TMCO5A: variants seen among roughly 807,000 people sequenced by gnomAD.
TMCO5A encodes transmembrane and coiled-coil domains 5A.
TMCO5A carries 34 observed loss-of-function variants against 42.3 expected under a neutral mutation model. That is an observed-to-expected ratio of 0.80 (90% CI 0.61 to 1.07). TMCO5A has a LOEUF of 1.07. TMCO5A is among the 50% of genes least tolerant of loss of function. TMCO5A has a pLI of 0.00. For synonymous variants in TMCO5A, 131 were observed against 115.6 expected (o/e 1.13, Z -0.86); for missense variants, 357 against 327.9 (o/e 1.09, Z -0.69).
At chr15:37,955,211 G>A (rs1229265448), downstream of TMCO5A, among the ~76,000 whole-genome samples, 2 of 145,354 alleles carry the variant, frequency 1.4e-5, no homozygotes, top group Non-Finnish European at 3.0e-5. Context: ...CACACTTCAG[G>A]CAAGAATAAC....
At chr15:37,955,911 C>T (rs1566922033), downstream of TMCO5A, among the ~76,000 whole-genome samples, 2 of 152,262 alleles carry the variant, frequency 1.3e-5, no homozygotes, top group East Asian at 3.9e-4. Context: ...GACCACAGTG[C>T]AATCAAATTA....
downstream of TMCO5A, among the ~76,000 whole-genome samples, chr15:37,968,575 T>C (rs1319970125): frequency 6.6e-6 from 1 of 150,542 alleles, no homozygotes; most frequent in Admixed American, 6.6e-5. Context: ...TCTACACTTC[T>C]ACATTTCTTT....
At chr15:38,026,091 G>T in the TMCO5A span, among the ~76,000 whole-genome samples, 3 of 152,204 alleles carry the variant, frequency 2.0e-5, no homozygotes, top group Non-Finnish European at 4.4e-5. Flanking sequence ...GGTACCAGTG[G>T]AGTGGGGTAT....
At chr15:38,031,849 C>A in the TMCO5A span, among the ~76,000 whole-genome samples, 1 of 152,194 alleles carries the variant, frequency 6.6e-6, no homozygotes, top group Non-Finnish European at 1.5e-5. Context: ...CCTGCCATAG[C>A]CCACTGCCCC....
the TMCO5A span, among the ~76,000 whole-genome samples, chr15:37,996,811 G>T: frequency 6.6e-6 from 1 of 152,142 alleles, no homozygotes; most frequent in Non-Finnish European, 1.5e-5. Context: ...GACACTGGCA[G>T]CTTGATGACG....
the TMCO5A span, among the ~76,000 whole-genome samples, chr15:37,994,939 A>T: frequency 6.6e-6 from 1 of 152,142 alleles, no homozygotes; most frequent in East Asian, 1.9e-4. Context: ...TGACTCCCCC[A>T]GATTTCTACA....
intron 11 of TMCO5A, among the ~76,000 whole-genome samples, chr15:37,966,116 G>C (rs1350792389): frequency 6.6e-6 from 1 of 152,120 alleles, no homozygotes; most frequent in Non-Finnish European, 1.5e-5. Context: ...TGGAACTGGA[G>C]GCCATTATGC....
chr15:38,000,716 A>G, the TMCO5A span, among the ~76,000 whole-genome samples: 1 of 151,776 alleles, frequency 6.6e-6, no homozygotes, highest in African/African-American at 2.4e-5. Context: ...TTCCATTATC[A>G]TTTATTTCAA....
chr15:38,010,034 A>G, the TMCO5A span, among the ~76,000 whole-genome samples: 59 of 152,214 alleles, frequency 3.9e-4, 1 homozygote, highest in East Asian at 0.011. Flanking sequence ...GATGATCTGG[A>G]TTATTAATAG....
chr15:37,971,460 C>T (rs1037873468), downstream of TMCO5A, among the ~76,000 whole-genome samples: 2 of 152,232 alleles, frequency 1.3e-5, no homozygotes, highest in South Asian at 4.1e-4. Flanking sequence ...AGACCTCTGA[C>T]ATGCTTAGAG....
At chr15:38,006,876 C>G in the TMCO5A span, among the ~76,000 whole-genome samples, 1 of 151,110 alleles carries the variant, frequency 6.6e-6, no homozygotes, top group Non-Finnish European at 1.5e-5. Flanking sequence ...ATTTTTGTAA[C>G]AAGTCACCTA....
chr15:38,010,538 G>A, the TMCO5A span, among the ~76,000 whole-genome samples: 6 of 151,652 alleles, frequency 4.0e-5, no homozygotes, highest in Non-Finnish European at 7.4e-5. Context: ...TATCACGAGC[G>A]AAGGAATGTC....
chr15:37,953,935 G>A (rs1420864485), downstream of TMCO5A, among the ~76,000 whole-genome samples: 2 of 151,902 alleles, frequency 1.3e-5, no homozygotes, highest in African/African-American at 4.8e-5. Context: ...ATACACCAGA[G>A]TCTTTTAATA....
At chr15:38,029,098 G>C in the TMCO5A span, among the ~76,000 whole-genome samples, 1 of 152,120 alleles carries the variant, frequency 6.6e-6, no homozygotes, top group Non-Finnish European at 1.5e-5. Context: ...AGAAGCAGAT[G>C]AATCAGACTA....
rs138530451 is a variant in TMCO5A at position 37,941,712 on chromosome 15, T to C, written c.486T>C (p.Asp162=). The C allele has an allele frequency of 0.011, 18,114 of 1,611,076 alleles. 201 individuals carry two copies. Among genetic ancestry groups the C allele is most frequent in the South Asian group, 0.036 (3,309 of 90,980 alleles). ...EYAFVTQLCE[D]QALYIKKYQE... ...CATTTGTGACCCAGCTCTGTGAAGATCAAGCCCTCTACATAAAGGTAGAGC... is the reference window on the plus strand; with the variant it reads ...CATTTGTGACCCAGCTCTGTGAAGACCAAGCCCTCTACATAAAGGTAGAGC... The change falls in exon 8 of 12, where the codon GAT becomes GAC. Residue 162 remains aspartate (D), a synonymous_variant. Transcript: ENST00000319669.
the TMCO5A span, among the ~76,000 whole-genome samples, chr15:38,037,427 C>T: frequency 2.0e-5 from 3 of 152,138 alleles, no homozygotes; most frequent in African/African-American, 7.2e-5. Context: ...TATGAAAGGG[C>T]TCTGTGAAGC....
chr15:38,037,792 A>G, the TMCO5A span, among the ~76,000 whole-genome samples: 1 of 152,214 alleles, frequency 6.6e-6, no homozygotes, highest in Non-Finnish European at 1.5e-5. Flanking sequence ...AGGCAGGCAG[A>G]TCACAAGGTT....
chr15:38,019,794 C>A, the TMCO5A span, among the ~76,000 whole-genome samples: 1 of 146,962 alleles, frequency 6.8e-6, no homozygotes, highest in Non-Finnish European at 1.5e-5. Flanking sequence ...TTTTTAATTT[C>A]ATAGAGACGG....
intron 9 of TMCO5A, 172 bp from the exon 10 acceptor site, chr15:37,943,169 A>C (rs1219091247): frequency 3.6e-6 from 2 of 550,744 alleles, no homozygotes; most frequent in Non-Finnish European, 6.1e-6. Context: ...AGATGTACTC[A>C]ACTGAGGAAA....
Sources: gnomAD v4.1 joint callset for allele counts (sites outside exome capture counted in the v4.1 genomes callset) on GRCh38, gnomAD v4.1.1 for gene constraint, MANE v1.5 for transcripts, NCBI Gene and HGNC (gene_info 2026-07-23, HGNC 2026-07-21) for gene names.